Variants in STXBP5L observed in about 807,000 individuals in gnomAD.
STXBP5L encodes the protein syntaxin-binding protein 5-like.
In STXBP5L, 65 loss-of-function variants were observed where a neutral mutation model predicts 144.5. The ratio of observed to expected loss-of-function variants is 0.45; its 90% confidence interval spans 0.37 to 0.55. The LOEUF (loss-of-function observed/expected upper bound fraction) is 0.55. Ranked by LOEUF, STXBP5L falls within the 20% of genes least tolerant of loss-of-function variation. The probability of loss-of-function intolerance (pLI) is 0.00; values close to 1 mark genes in which losing one functional copy is unlikely to be tolerated. For missense variants in STXBP5L, 1,298 were observed against 1,405.5 expected (o/e 0.92, Z 1.22); for synonymous variants, 505 against 469.6 (o/e 1.08, Z -0.97).
chr3:121,255,527 A>G (rs1334619133), intron 16 of STXBP5L, among the ~76,000 whole-genome samples: 1 of 152,010 alleles, frequency 6.6e-6, no homozygotes, highest in East Asian at 1.9e-4. Flanking sequence ...ATATATACTA[A>G]TAAAATGTAT....
At chr3:121,335,814 C>A (rs1205554106) in intron 20 of STXBP5L, among the ~76,000 whole-genome samples, 3 of 152,116 alleles carry the variant, frequency 2.0e-5, no homozygotes, top group Admixed American at 6.6e-5. Flanking sequence ...ACTATAAAAA[C>A]CCTGGAAGTC....
chr3:121,306,380 C>T (rs2043338208), intron 19 of STXBP5L, among the ~76,000 whole-genome samples: 1 of 152,124 alleles, frequency 6.6e-6, no homozygotes, highest in Non-Finnish European at 1.5e-5. Context: ...GAAGCTCTAC[C>T]CCAGGCATAG....
intron 22 of STXBP5L, among the ~76,000 whole-genome samples, chr3:121,392,370 A>G (rs994533765): frequency 1.3e-5 from 2 of 152,034 alleles, no homozygotes; most frequent in South Asian, 2.1e-4. Flanking sequence ...TAAGGTGACA[A>G]TGCCCCACCC....
At chr3:121,202,335 CCTT>C (rs1413385715) in intron 9 of STXBP5L, among the ~76,000 whole-genome samples, 1 of 152,110 alleles carries the variant, frequency 6.6e-6, no homozygotes, top group Non-Finnish European at 1.5e-5. Flanking sequence ...CTCTCACCCA[CCTT>C]CTTTTTCTTG....
intron 10 of STXBP5L, among the ~76,000 whole-genome samples, chr3:121,214,512 G>A (rs1577229676): frequency 6.6e-6 from 1 of 152,102 alleles, no homozygotes; most frequent in African/African-American, 2.4e-5. Flanking sequence ...ATGTTGTTTT[G>A]TGGTTTTGAG....
At chr3:120,920,388 A>G (rs1709303283) in intron 2 of STXBP5L, among the ~76,000 whole-genome samples, 1 of 151,770 alleles carries the variant, frequency 6.6e-6, no homozygotes, top group Non-Finnish European at 1.5e-5. Flanking sequence ...ATAGATGCAC[A>G]TATTTTTGGG....
chr3:121,422,382 G>A lies in STXBP5L; in HGVS notation c.*3285G>A, dbSNP rs930405886. ...CAACAAGTTGACCTTGTCTCCCTAT[G>A]ATTTCCTTGGAAGATAAGGCCTTTT... On this transcript the variant is annotated 3_prime_UTR_variant, in exon 27 of 27. Coordinates refer to ENST00000471454, the MANE Select transcript of STXBP5L (RefSeq NM_001308330.2). 6.6e-6 allele frequency: 1 copy of A among 152,150 alleles called. No individual in the cohort carries two copies. The highest frequency in any genetic ancestry group is 2.4e-5 in the African/African-American group (1 of 41,434). The allele number at this position is 152,150 out of a possible 1,614,324, so 9.4% of individuals were successfully genotyped here.
intron 20 of STXBP5L, among the ~76,000 whole-genome samples, chr3:121,347,928 T>A (rs545582123): frequency 4.8e-4 from 73 of 152,310 alleles, no homozygotes; most frequent in Non-Finnish European, 9.7e-4. Context: ...CTTCCTCTTT[T>A]CCGAATTGAA....
chr3:121,186,647 C>T (rs2047394744), intron 9 of STXBP5L, among the ~76,000 whole-genome samples: 2 of 152,188 alleles, frequency 1.3e-5, no homozygotes, highest in South Asian at 2.1e-4. Flanking sequence ...ATGAAGCCCA[C>T]TTGATCATGG....
chr3:121,068,345 A>G (rs2041646423), intron 5 of STXBP5L, among the ~76,000 whole-genome samples: 1 of 152,262 alleles, frequency 6.6e-6, no homozygotes, highest in Non-Finnish European at 1.5e-5. Context: ...AACATTTAAT[A>G]TAATTTATTG....
intron 10 of STXBP5L, among the ~76,000 whole-genome samples, chr3:121,210,814 T>C (rs763592179): frequency 2.6e-5 from 4 of 152,218 alleles, no homozygotes; most frequent in Non-Finnish European, 5.9e-5. Flanking sequence ...ACTAGTACCA[T>C]GCTGTTTTGG....
intron 5 of STXBP5L, among the ~76,000 whole-genome samples, chr3:121,068,047 G>C (rs1011900744): frequency 1.3e-5 from 2 of 152,292 alleles, no homozygotes; most frequent in African/African-American, 4.8e-5. Flanking sequence ...GTCTCACTCT[G>C]TCACCAGGCT....
chr3:121,111,379 A>G (rs1172805919), intron 5 of STXBP5L, among the ~76,000 whole-genome samples: 1 of 152,112 alleles, frequency 6.6e-6, no homozygotes, highest in Non-Finnish European at 1.5e-5. Flanking sequence ...GAGTTTATCT[A>G]GCTTTGGTCT....
chr3:120,929,056 G>A lies in STXBP5L; in HGVS notation c.189+19289G>A, dbSNP rs937421819. Among the ~76,000 whole-genome samples, 5 of 152,140 alleles carry A rather than the reference G, an allele frequency of 3.3e-5. No individual in the cohort carries two copies. In the East Asian group the frequency reaches 9.6e-4, roughly 29 times the overall value. On this transcript the variant is annotated intron_variant, in intron 2 of 26. Coordinates refer to ENST00000471454, the MANE Select transcript of STXBP5L (RefSeq NM_001308330.2). ...TTCTTATTGTAAGTTGTTGGCATGGGAAGCTGGAGGCAGGCTGTGTACAAG... is the reference window on the plus strand; with the variant it reads ...TTCTTATTGTAAGTTGTTGGCATGGAAAGCTGGAGGCAGGCTGTGTACAAG...
intron 3 of STXBP5L, among the ~76,000 whole-genome samples, chr3:121,033,196 G>T (rs906702221): frequency 7.0e-6 from 1 of 141,954 alleles, no homozygotes; most frequent in African/African-American, 2.7e-5. Flanking sequence ...TGATAGACTG[G>T]ATTAAAAAAT....
At chr3:121,221,502 A>C (rs1465275588) in intron 10 of STXBP5L, among the ~76,000 whole-genome samples, 2 of 151,696 alleles carry the variant, frequency 1.3e-5, no homozygotes, top group Non-Finnish European at 2.9e-5. Flanking sequence ...TTATGAAAAG[A>C]TACTACATTC....
At chr3:121,141,604 A>G (rs1347616562) in intron 7 of STXBP5L, among the ~76,000 whole-genome samples, 1 of 152,194 alleles carries the variant, frequency 6.6e-6, no homozygotes, top group Non-Finnish European at 1.5e-5. Flanking sequence ...CCATATAAGT[A>G]GATGAAAATT....
chr3:121,040,533 C>G (rs1307149802), intron 3 of STXBP5L, among the ~76,000 whole-genome samples: 2 of 152,002 alleles, frequency 1.3e-5, no homozygotes, highest in Non-Finnish European at 2.9e-5. Context: ...ATAGTTTCTT[C>G]AAACTTATTC....
chr3:121,094,366 G>T (rs1352657313), intron 5 of STXBP5L, among the ~76,000 whole-genome samples: 3 of 152,116 alleles, frequency 2.0e-5, no homozygotes, highest in Admixed American at 2.0e-4. Flanking sequence ...AATGTTGACA[G>T]TGGGGTGTTA....
Sources: allele counts gnomAD v4.1 joint callset (sites outside exome capture counted in the v4.1 genomes callset), GRCh38; gene constraint gnomAD v4.1.1; transcripts MANE v1.5; gene names NCBI Gene and HGNC (gene_info 2026-07-23, HGNC 2026-07-21).